The following TTLL7 variants were observed in gnomAD, a reference collection of about 807,000 sequenced individuals.
The protein encoded by TTLL7 is tubulin tyrosine ligase like 7.
In TTLL7, 53 loss-of-function variants were observed where a neutral mutation model predicts 120.2. The ratio of observed to expected loss-of-function variants is 0.44; its 90% confidence interval spans 0.35 to 0.55. The LOEUF (loss-of-function observed/expected upper bound fraction) is 0.55. Ranked by LOEUF, TTLL7 falls within the 20% of genes least tolerant of loss-of-function variation. The pLI, the probability that TTLL7 is intolerant of heterozygous loss-of-function variation, is 0.00. For synonymous variants in TTLL7, 353 were observed against 351.7 expected, an observed-to-expected ratio of 1.00 and a Z score of -0.04; for missense variants, 803 against 1,054.7, an observed-to-expected ratio of 0.76 and a Z score of 3.31.
chr1:83,961,408 T>A (rs1571319141), intron 1 of TTLL7, among the ~76,000 whole-genome samples: 2 of 152,190 alleles, frequency 1.3e-5, no homozygotes, highest in African/African-American at 4.8e-5. Context: ...TATGTGTAAT[T>A]AGAGCAACCA....
intron 15 of TTLL7, among the ~76,000 whole-genome samples, chr1:83,908,380 T>C (rs1010819016): frequency 3.3e-5 from 5 of 151,602 alleles, no homozygotes; most frequent in Non-Finnish European, 7.4e-5. Context: ...CCTAACGGAG[T>C]TTAAATACAG....
chr1:83,980,862 C>T (rs1211915253), intron 1 of TTLL7: 1 of 151,718 alleles, frequency 6.6e-6, no homozygotes, highest in Non-Finnish European at 1.5e-5. Flanking sequence ...GGTAAAAGGA[C>T]CTAAATGGAA....
At chr1:83,998,606 G>A (rs556285468) in intron 1 of TTLL7, among the ~76,000 whole-genome samples, 48 of 152,310 alleles carry the variant, frequency 3.2e-4, no homozygotes, top group African/African-American at 1.1e-3. Flanking sequence ...AAACCAGCAG[G>A]GAGCCTCCTC....
At chr1:83,955,869 T>G (rs1044863714) in intron 1 of TTLL7, among the ~76,000 whole-genome samples, 1 of 152,086 alleles carries the variant, frequency 6.6e-6, no homozygotes, top group African/African-American at 2.4e-5. Context: ...GGCATGGTGG[T>G]GCCTGCCTGT....
intron 14 of TTLL7, among the ~76,000 whole-genome samples, chr1:83,913,916 T>C (rs1405438923): frequency 1.3e-5 from 2 of 152,232 alleles, no homozygotes; most frequent in Non-Finnish European, 2.9e-5. Flanking sequence ...GCCAGAAACA[T>C]TGTGCCTCCA....
intron 5 of TTLL7, chr1:83,947,511 T>C: frequency 2.4e-6 from 1 of 424,626 alleles, no homozygotes. Context: ...CTTGCCCTAA[T>C]ATGTACTAAT....
At chr1:83,902,729 G>C (rs768195944) in intron 18 of TTLL7, among the ~76,000 whole-genome samples, 1 of 151,784 alleles carries the variant, frequency 6.6e-6, no homozygotes, top group African/African-American at 2.4e-5. Flanking sequence ...AAATATCTTA[G>C]AGACTCCTAA....
At chr1:83,945,432 G>A (rs1648391802) in intron 6 of TTLL7, among the ~76,000 whole-genome samples, 1 of 152,196 alleles carries the variant, frequency 6.6e-6, no homozygotes, top group South Asian at 2.1e-4. Flanking sequence ...AAACATTTAT[G>A]TGCCTAATAA....
At chr1:83,892,658 A>G (rs1467853970) in intron 18 of TTLL7, among the ~76,000 whole-genome samples, 1 of 147,314 alleles carries the variant, frequency 6.8e-6, no homozygotes, top group Non-Finnish European at 1.5e-5. Context: ...GAACATATGA[A>G]TGAACATATA....
chr1:83,958,592 T>C (rs1649735427), intron 1 of TTLL7, among the ~76,000 whole-genome samples: 1 of 152,216 alleles, frequency 6.6e-6, no homozygotes, highest in African/African-American at 2.4e-5. Flanking sequence ...TTGTCCATTT[T>C]TGTATTATTA....
intron 15 of TTLL7, among the ~76,000 whole-genome samples, chr1:83,909,049 G>A (rs1657453199): frequency 6.6e-6 from 1 of 151,186 alleles, no homozygotes; most frequent in South Asian, 2.1e-4. Flanking sequence ...CATACCACTG[G>A]TCAATCTTTT....
chr1:83,913,499 T>C (rs188109347), intron 14 of TTLL7, among the ~76,000 whole-genome samples: 11 of 152,318 alleles, frequency 7.2e-5, no homozygotes, highest in Non-Finnish European at 1.6e-4. Flanking sequence ...TCTCCAATTA[T>C]TCTTCTACCA....
At chr1:83,955,587 C>T (rs1649438184) in intron 1 of TTLL7, among the ~76,000 whole-genome samples, 1 of 152,284 alleles carries the variant, frequency 6.6e-6, no homozygotes, top group Admixed American at 6.5e-5. Context: ...CGTCAATAAA[C>T]CTGCCACCAC....
At chr1:83,914,480 T>C (rs543799178) in intron 14 of TTLL7, among the ~76,000 whole-genome samples, 21 of 151,908 alleles carry the variant, frequency 1.4e-4, no homozygotes, top group East Asian at 7.8e-4. Context: ...TACAGGCGCA[T>C]GCCACCACAC....
intron 20 of TTLL7, among the ~76,000 whole-genome samples, chr1:83,870,345 A>C (rs762687323): frequency 1.3e-5 from 2 of 152,186 alleles, no homozygotes; most frequent in Non-Finnish European, 2.9e-5. Flanking sequence ...TATGTGGCTA[A>C]TGTTAATTTA....
intron 15 of TTLL7, among the ~76,000 whole-genome samples, chr1:83,909,456 T>A (rs1215895587): frequency 6.6e-6 from 1 of 151,956 alleles, no homozygotes; most frequent in Non-Finnish European, 1.5e-5. Flanking sequence ...ATAATCTGGA[T>A]TTTGTCCTTG....
Position 83,865,884 on chromosome 1 carries a change from G to C in TTLL7, c.*4078C>G, listed in dbSNP as rs905424711. On this transcript the variant is annotated 3_prime_UTR_variant, in exon 21 of 21. Coordinates refer to ENST00000260505, the MANE Select transcript of TTLL7 (RefSeq NM_024686.6). ...ACCTTTGAACTAAAAAAGAAATAAA[G>C]AATAGGCAGTGTAAGTAACAAAATT... The C allele has an allele frequency of 6.6e-6, 1 of 151,880 alleles. No individual in the cohort carries two copies. Among genetic ancestry groups the C allele is most frequent in the Non-Finnish European group, 1.5e-5 (1 of 67,814 alleles). 9.4% of individuals were successfully genotyped at this position (151,880 alleles called of 1,614,324 possible).
chr1:83,939,873 C>T (rs1647775540), intron 7 of TTLL7, among the ~76,000 whole-genome samples: 1 of 152,072 alleles, frequency 6.6e-6, no homozygotes, highest in South Asian at 2.1e-4. Flanking sequence ...AAGCTGCCGT[C>T]CAGAAACACC....
At position 83,977,002 on chromosome 1, in the gene TTLL7, C is replaced by T. The variant is rs115870996; in HGVS notation, c.-177+21929G>A. On this transcript the variant is annotated intron_variant, in intron 1 of 20. Transcript: ENST00000260505. The stretch of plus-strand genomic sequence containing the variant: ...ATTAAGCCATTTTATTGTGTCTTTC[C>T]CATTTCTTAATTTTATTGAAATACC... Among the ~76,000 whole-genome samples the T allele has an allele frequency of 4.7e-3, 712 of 151,904 alleles. 4 individuals carry two copies. The highest frequency in any genetic ancestry group is 3.9e-3 in the Non-Finnish European group (266 of 67,900).
Sources: allele counts gnomAD v4.1 joint callset (sites outside exome capture counted in the v4.1 genomes callset), GRCh38; gene constraint gnomAD v4.1.1; transcripts MANE v1.5; gene names NCBI Gene and HGNC (gene_info 2026-07-23, HGNC 2026-07-21).